Variants in VIPR2 observed in about 807,000 individuals in gnomAD.
VIPR2 encodes the protein vasoactive intestinal peptide receptor 2.
A neutral mutation model predicts 58.0 loss-of-function variants in VIPR2; 48 were observed. That is an observed-to-expected ratio of 0.83 (90% confidence interval 0.66 to 1.05). The LOEUF is 1.05. Ranked by LOEUF, VIPR2 falls within the 50% of genes least tolerant of loss-of-function variation. The probability of loss-of-function intolerance (pLI) is 0.00; values close to 1 mark genes in which losing one functional copy is unlikely to be tolerated. For synonymous variants in VIPR2, 243 were observed against 235.2 expected (o/e 1.03, Z -0.30); for missense variants, 534 against 558.0 (o/e 0.96, Z 0.43).
At position 159,097,418 on chromosome 7, in the gene VIPR2, C is replaced by T. The variant is rs1037944243; in HGVS notation, c.357+6339G>A. Among the ~76,000 whole-genome samples the T allele has an allele frequency of 3.3e-5, 5 of 152,170 alleles. No homozygotes were observed. The highest frequency in any genetic ancestry group is 7.2e-5 in the African/African-American group (3 of 41,442). ...TGTAACACAGAAGACTTACGGGAGC[C>T]GGCCCCCTCGCGTGCCCACCACGGT... On this transcript the variant is annotated intron_variant, in intron 4 of 12. Coordinates refer to ENST00000262178, the MANE Select transcript of VIPR2 (RefSeq NM_003382.5). The surrounding 1 kb of genome is among the most constrained non-coding windows in gnomAD (Gnocchi z 5.3).
chr7:159,079,372 T>A (rs1017642786), intron 4 of VIPR2, among the ~76,000 whole-genome samples: 22 of 152,030 alleles, frequency 1.4e-4, no homozygotes, highest in Non-Finnish European at 2.5e-4. Flanking sequence ...GAATGACTAC[T>A]GGGTACATAA....
chr7:159,036,281 G>A (rs190145991), intron 7 of VIPR2, among the ~76,000 whole-genome samples: 5 of 152,300 alleles, frequency 3.3e-5, no homozygotes, highest in African/African-American at 7.2e-5. Flanking sequence ...GGAGTTGAAC[G>A]TGCGGAGAAG....
In VIPR2 at chr7:159,034,323, G is replaced by C; in HGVS notation, c.880-19C>G. 1 of 1,611,522 alleles carries C rather than the reference G, an allele frequency of 6.2e-7. No individual in the cohort carries two copies. Among genetic ancestry groups the C allele is most frequent in the Non-Finnish European group, 8.5e-7 (1 of 1,178,252 alleles). ...AATTGACCTGCACAAGAGATAATAA[G>C]TTTGTGAAACAGACACGTGGATCCC... is the stretch of plus-strand genomic sequence containing the variant. On this transcript the variant is annotated intron_variant, in intron 9 of 12. Coordinates refer to ENST00000262178, the MANE Select transcript of VIPR2 (RefSeq NM_003382.5).
intron 4 of VIPR2, among the ~76,000 whole-genome samples, chr7:159,103,159 T>C (rs1044131977): frequency 6.6e-6 from 1 of 152,192 alleles, no homozygotes; most frequent in Non-Finnish European, 1.5e-5. Flanking sequence ...GCAGAAGGGT[T>C]CACAGTGGAC....
At position 159,132,905 on chromosome 7, in the gene VIPR2, T is replaced by C. The variant is rs1290268516; in HGVS notation, c.151+9541A>G. Among the ~76,000 whole-genome samples the C allele has an allele frequency of 6.5e-5, 9 of 138,254 alleles. No homozygotes were observed. In the South Asian group the frequency reaches 1.2e-3, roughly 18 times the overall value. 90.7% of individuals were successfully genotyped at this position (138,254 alleles called of 152,430 possible). ...TACAGATTGATTTCAGACAGAATGA[T>C]TGGCATACAGATTGATTTCAGACAG... On this transcript the variant is annotated intron_variant, in intron 2 of 12. Transcript: ENST00000262178.
At chr7:159,108,184 AT>A (rs776575395) in intron 3 of VIPR2, among the ~76,000 whole-genome samples, 244 of 152,138 alleles carry the variant, frequency 1.6e-3, no homozygotes, top group Non-Finnish European at 2.7e-3. Flanking sequence ...ATCCCACCAA[AT>A]TTAGTCTCTG....
At chr7:159,065,695 G>C (rs1197024515) in intron 4 of VIPR2, among the ~76,000 whole-genome samples, 1 of 152,176 alleles carries the variant, frequency 6.6e-6, no homozygotes, top group Admixed American at 6.5e-5. Context: ...ACTTGAGATC[G>C]CACAGGAAAC....
Position 159,098,033 on chromosome 7 carries a change from G to A in VIPR2, c.357+5724C>T, listed in dbSNP as rs1857971635. On this transcript the variant is annotated intron_variant, in intron 4 of 12. Transcript: ENST00000262178. This position sits in a 1 kb window ranked among gnomAD's most constrained non-coding sequence, Gnocchi z 5.2. ...CGATCAGTCCCAGGAGCTCCTCCGT[G>A]GCCTCTTGGAAGCCTGAGCCCTGCC... Among the ~76,000 whole-genome samples the A allele has an allele frequency of 6.6e-6, 1 of 152,218 alleles. No individual in the cohort carries two copies. The highest frequency in any genetic ancestry group is 2.4e-5 in the African/African-American group (1 of 41,456).
intron 6 of VIPR2, among the ~76,000 whole-genome samples, chr7:159,038,025 A>C (rs1854081407): frequency 6.6e-6 from 1 of 152,168 alleles, no homozygotes; most frequent in Admixed American, 6.5e-5. Context: ...TATCCCTATA[A>C]ATATATACGG....
intron 6 of VIPR2, among the ~76,000 whole-genome samples, chr7:159,041,566 G>A (rs1411347389): frequency 1.3e-5 from 2 of 151,840 alleles, no homozygotes; most frequent in African/African-American, 4.8e-5. Flanking sequence ...GGGTCCTGAG[G>A]GTCTGTCATG....
In VIPR2 at chr7:159,127,284, T is replaced by C. The variant is rs2129497186; in HGVS notation, c.151+15162A>G. 6.6e-6 allele frequency among the ~76,000 whole-genome samples: 1 copy of C among 152,326 alleles called. No individual in the cohort carries two copies. The highest frequency in any genetic ancestry group is 1.5e-5 in the Non-Finnish European group (1 of 68,028). ...ACCTGGAAACTGGATCACAGCAGAA[T>C]TCTGAATTTCAGAAACAGCGGTTTG... is the stretch of plus-strand genomic sequence containing the variant. On this transcript the variant is annotated intron_variant, in intron 2 of 12. Coordinates refer to ENST00000262178, the MANE Select transcript of VIPR2 (RefSeq NM_003382.5). The surrounding 1 kb of genome is among the most constrained non-coding windows in gnomAD (Gnocchi z 4.6).
chr7:159,080,204 T>C (rs1438407014), intron 4 of VIPR2, among the ~76,000 whole-genome samples: 1 of 152,196 alleles, frequency 6.6e-6, no homozygotes, highest in African/African-American at 2.4e-5. Flanking sequence ...TGAACATTGA[T>C]GCAAAAATCC....
chr7:159,041,470 C>A (rs151106498), intron 6 of VIPR2, among the ~76,000 whole-genome samples: 13 of 145,246 alleles, frequency 9.0e-5, no homozygotes, highest in South Asian at 2.3e-4. Context: ...GGGTCTGTTG[C>A]GGGTCACTGC....
At chr7:159,100,325 C>G (rs1169935081) in intron 4 of VIPR2, among the ~76,000 whole-genome samples, 1 of 152,036 alleles carries the variant, frequency 6.6e-6, no homozygotes, top group Non-Finnish European at 1.5e-5. Flanking sequence ...AACACAGTGA[C>G]AGTGGGCTCA....
At chr7:159,039,435 G>C (rs1054022817) in intron 6 of VIPR2, among the ~76,000 whole-genome samples, 4 of 152,138 alleles carry the variant, frequency 2.6e-5, no homozygotes, top group African/African-American at 9.7e-5. Context: ...CCGAGATCCT[G>C]CCACTGCACT....
Position 159,064,268 on chromosome 7 carries a change from G to C in VIPR2, c.358-5690C>G, listed in dbSNP as rs904078978. ...GGGAGCCCCGGTCCCCTGCCCCGGA[G>C]CCACTGGGGCCTGGCTGAGGCGACC... is the stretch of plus-strand genomic sequence containing the variant. On this transcript the variant is annotated intron_variant, in intron 4 of 12. Transcript: ENST00000262178. Among the ~76,000 whole-genome samples the C allele has an allele frequency of 2.0e-5, 3 of 152,152 alleles. No individual in the cohort carries two copies. The South Asian group carries it at 6.2e-4, about 32-fold the overall frequency.
rs746281889 is a variant in VIPR2, at chr7:159,058,582, CAAAG to C, written c.358-8_358-5del. On this transcript the variant is annotated splice_polypyrimidine_tract_variant and splice_region_variant and intron_variant, in intron 4 of 12. Coordinates refer to ENST00000262178, the MANE Select transcript of VIPR2 (RefSeq NM_003382.5). ...TCACCAGAATATAAAACGTGATCTA[CAAAG>C]AAAGAAAACAGATCTGTAAGCTGAG... 12 of 1,598,640 alleles carry C rather than the reference CAAAG, an allele frequency of 7.5e-6. No individual in the cohort carries two copies. Among genetic ancestry groups the C allele is most frequent in the Non-Finnish European group, 1.0e-5 (12 of 1,166,376 alleles).
At chr7:159,047,561 C>T (rs961376864) in intron 5 of VIPR2, among the ~76,000 whole-genome samples, 1 of 152,128 alleles carries the variant, frequency 6.6e-6, no homozygotes, top group African/African-American at 2.4e-5. Context: ...GAATTTATTG[C>T]AATTCATTTG....
At position 159,062,187 on chromosome 7, in the gene VIPR2, C is replaced by A. The variant is rs11772372; in HGVS notation, c.358-3609G>T. Among the ~76,000 whole-genome samples the A allele has an allele frequency of 6.5e-3, 989 of 152,240 alleles. 5 individuals are homozygous for A. Among genetic ancestry groups the A allele is most frequent in the Non-Finnish European group, 0.01 (696 of 68,012 alleles). On this transcript the variant is annotated intron_variant, in intron 4 of 12. Coordinates refer to ENST00000262178, the MANE Select transcript of VIPR2 (RefSeq NM_003382.5). Reference sequence around the variant, plus strand: ...CGACGGAGACGGGAGAAAAACAGGGCAAGGACACCCCGAAGGGTTCAGCCT... The same window carrying A: ...CGACGGAGACGGGAGAAAAACAGGGAAAGGACACCCCGAAGGGTTCAGCCT...
Sources: gnomAD v4.1 joint callset for allele counts (sites outside exome capture counted in the v4.1 genomes callset) on GRCh38, gnomAD v4.1.1 for gene constraint, Gnocchi (gnomAD v3.1) non-coding constraint, MANE v1.5 for transcripts, NCBI Gene and HGNC (gene_info 2026-07-23, HGNC 2026-07-21) for gene names.